Variants in PPP1R9A observed in about 807,000 individuals in gnomAD.
The protein encoded by PPP1R9A is protein phosphatase 1 regulatory subunit 9A.
In PPP1R9A, 59 loss-of-function variants were observed where a neutral mutation model predicts 141.9. The ratio of observed to expected loss-of-function variants is 0.42; its 90% CI spans 0.34 to 0.52. The LOEUF is 0.52. Among genes scored for constraint, PPP1R9A ranks in the 20% least tolerant of loss-of-function variants. The probability of loss-of-function intolerance (pLI) is 0.10; values close to 1 mark genes in which losing one functional copy is unlikely to be tolerated. For missense variants in PPP1R9A, 1,444 were observed against 1,611.9 expected (o/e 0.90, Z 1.78); for synonymous variants, 500 against 569.7 (o/e 0.88, Z 1.74).
In PPP1R9A at chr7:95,226,069, T is replaced by A. The variant is rs772554966; in HGVS notation, c.2065T>A (p.Ser689Thr). 2 of 1,613,564 alleles carry A rather than the reference T, an allele frequency of 1.2e-6. No homozygotes were observed. Among genetic ancestry groups the A allele is most frequent in the Non-Finnish European group, 1.7e-6 (2 of 1,179,628 alleles). ...FELPENEDMF[S>T]PSELDTSKLS... ...GCTGCCTGAGAATGAGGACATGTTT[T>A]CCCCATCAGAACTGGACACAAGCAA... The change falls in exon 8 of 20, where the codon TCC becomes ACC. Residue 689 changes from serine to threonine, a missense_variant. By Grantham distance (58) the Ser-to-Thr change is moderately conservative. Coordinates refer to ENST00000433360, the MANE Select transcript of PPP1R9A (RefSeq NM_001166160.2).
rs114151012 is a variant in PPP1R9A at position 95,043,045 on chromosome 7, A to G, written c.1396-68214A>G. Among the ~76,000 whole-genome samples the G allele has an allele frequency of 7.9e-3, 1,200 of 152,314 alleles. 15 individuals are homozygous for G. Among genetic ancestry groups the G allele is most frequent in the African/African-American group, 0.028 (1,149 of 41,576 alleles). ...AGATACATATGGAAAATTTGCTACTATGCAGTCCCTGTAGCATATATAAAA... is the reference window on the plus strand; with the variant it reads ...AGATACATATGGAAAATTTGCTACTGTGCAGTCCCTGTAGCATATATAAAA... On this transcript the variant is annotated intron_variant, in intron 2 of 19. Transcript: ENST00000433360.
At chr7:95,178,471 G>A (rs1833219574) in intron 5 of PPP1R9A, among the ~76,000 whole-genome samples, 1 of 151,642 alleles carries the variant, frequency 6.6e-6, no homozygotes, top group African/African-American at 2.4e-5. Context: ...CACACCTCAG[G>A]GAACTAGAGA....
At chr7:94,945,234 G>A (rs2150981621) in intron 2 of PPP1R9A, among the ~76,000 whole-genome samples, 1 of 152,176 alleles carries the variant, frequency 6.6e-6, no homozygotes, top group South Asian at 2.1e-4. Context: ...AACCTCTGGT[G>A]CTTTTCTTTC....
At chr7:95,276,662 G>A (rs1424788501) in intron 16 of PPP1R9A, among the ~76,000 whole-genome samples, 1 of 152,042 alleles carries the variant, frequency 6.6e-6, no homozygotes, top group African/African-American at 2.4e-5. Context: ...ACCTTGTTAT[G>A]ACATTGGCAT....
At chr7:95,129,426 C>T in intron 4 of PPP1R9A, among the ~76,000 whole-genome samples, 1 of 152,156 alleles carries the variant, frequency 6.6e-6, no homozygotes, top group Admixed American at 6.6e-5. Flanking sequence ...GCCTCCCCAC[C>T]CACATGGAAC....
chr7:95,139,623 A>G (rs1398396593), intron 4 of PPP1R9A, among the ~76,000 whole-genome samples: 1 of 152,148 alleles, frequency 6.6e-6, no homozygotes, highest in East Asian at 1.9e-4. Flanking sequence ...CCAGTAAGGT[A>G]GGGACGCTGC....
At chr7:95,075,342 A>G (rs138290154) in intron 2 of PPP1R9A, among the ~76,000 whole-genome samples, 6 of 152,148 alleles carry the variant, frequency 3.9e-5, no homozygotes, top group African/African-American at 1.4e-4. Context: ...TCTACTAAAA[A>G]TGTAGGGGAG....
chr7:95,136,012 C>T lies in PPP1R9A; in HGVS notation c.1649+15180C>T, dbSNP rs140949327. On this transcript the variant is annotated intron_variant, in intron 4 of 19. Coordinates refer to ENST00000433360, the MANE Select transcript of PPP1R9A (RefSeq NM_001166160.2). ...TCTTCTTGCCTTTATCTTCCGTATA[C>T]GTCCCTAAGTCCACCAACTTGTAGT... Among the ~76,000 whole-genome samples the T allele has an allele frequency of 5.4e-3, 823 of 152,078 alleles. 7 individuals carry two copies. The highest frequency in any genetic ancestry group is 0.019 in the African/African-American group (774 of 41,474).
chr7:95,197,778 A>T (rs1275855015), intron 5 of PPP1R9A, among the ~76,000 whole-genome samples: 1 of 152,084 alleles, frequency 6.6e-6, no homozygotes, highest in Non-Finnish European at 1.5e-5. Context: ...CCTCCAGAGT[A>T]GCTGGGACTA....
intron 2 of PPP1R9A, among the ~76,000 whole-genome samples, chr7:95,021,175 T>C (rs1243394452): frequency 6.6e-6 from 1 of 152,188 alleles, no homozygotes; most frequent in Non-Finnish European, 1.5e-5. Flanking sequence ...TTCTAACTGG[T>C]GTGAGATGGT....
At chr7:94,968,706 G>A (rs535680663) in intron 2 of PPP1R9A, among the ~76,000 whole-genome samples, 44 of 152,152 alleles carry the variant, frequency 2.9e-4, no homozygotes, top group African/African-American at 1.0e-3. Flanking sequence ...AGGTTAAGAA[G>A]TTCTCCTGGA....
At chr7:95,219,987 C>T (rs147412952) in intron 7 of PPP1R9A, among the ~76,000 whole-genome samples, 10 of 152,220 alleles carry the variant, frequency 6.6e-5, no homozygotes, top group African/African-American at 2.4e-4. Flanking sequence ...ATATTCTAGG[C>T]ACTGTGGTTA....
At chr7:95,137,814 A>T (rs1015911603) in intron 4 of PPP1R9A, among the ~76,000 whole-genome samples, 3 of 152,238 alleles carry the variant, frequency 2.0e-5, no homozygotes, top group African/African-American at 7.2e-5. Context: ...GTTTTTCAAG[A>T]CTTGCTATAA....
At chr7:94,952,932 C>G (rs577318774) in intron 2 of PPP1R9A, among the ~76,000 whole-genome samples, 4 of 152,242 alleles carry the variant, frequency 2.6e-5, no homozygotes, top group Admixed American at 6.5e-5. Context: ...GTGATAGTTC[C>G]TTTTGCTGTG....
intron 2 of PPP1R9A, among the ~76,000 whole-genome samples, chr7:94,999,523 AATCAACAG>A (rs1210266870): frequency 6.0e-4 from 91 of 152,338 alleles, no homozygotes; most frequent in African/African-American, 2.1e-3. Context: ...TAAAAAAGAA[AATCAACAG>A]AAAACACCAA....
intron 2 of PPP1R9A, among the ~76,000 whole-genome samples, chr7:94,947,286 C>G (rs1385617206): frequency 6.6e-6 from 1 of 152,078 alleles, no homozygotes; most frequent in Admixed American, 6.6e-5. Flanking sequence ...TCCAGAATTG[C>G]TGCCTCTGGA....
chr7:95,020,366 C>T (rs151154925), intron 2 of PPP1R9A, among the ~76,000 whole-genome samples: 5 of 152,048 alleles, frequency 3.3e-5, no homozygotes, highest in Non-Finnish European at 7.4e-5. Flanking sequence ...AAATTTAAAA[C>T]GAAGATATAA....
At chr7:95,220,831 A>C (rs1794315598) in intron 7 of PPP1R9A, among the ~76,000 whole-genome samples, 1 of 152,084 alleles carries the variant, frequency 6.6e-6, no homozygotes, top group African/African-American at 2.4e-5. Flanking sequence ...CAGCAGCTTC[A>C]CAGGATGTTC....
intron 4 of PPP1R9A, among the ~76,000 whole-genome samples, chr7:95,144,107 C>T (rs553751866): frequency 1.3e-5 from 2 of 152,190 alleles, no homozygotes; most frequent in South Asian, 4.1e-4. Flanking sequence ...ATTTATTCAT[C>T]TTATAACAGA....
Sources: gnomAD v4.1 joint callset for allele counts (sites outside exome capture counted in the v4.1 genomes callset) on GRCh38, gnomAD v4.1.1 for gene constraint, MANE v1.5 for transcripts, NCBI Gene and HGNC (gene_info 2026-07-23, HGNC 2026-07-21) for gene names.